Variants in STK36 observed in about 807,000 individuals in gnomAD.
The protein encoded by STK36 is serine/threonine kinase 36, also known as serine/threonine-protein kinase 36.
STK36 carries 116 observed loss-of-function variants against 142.2 expected under a neutral mutation model. The observed-to-expected ratio is 0.82, with a 90% confidence interval of 0.70 to 0.95. STK36 has a LOEUF of 0.95. STK36 is among the 40% of genes least tolerant of loss of function. STK36 has a pLI of 0.00. For missense variants in STK36, 1,422 were observed against 1,617.2 expected (o/e 0.88, Z 2.07); for synonymous variants, 619 against 641.7 (o/e 0.96, Z 0.53).
chr2:218,700,478 T>G (rs1401211180), intron 26 of STK36, among the ~76,000 whole-genome samples: 1 of 151,718 alleles, frequency 6.6e-6, no homozygotes, highest in African/African-American at 2.4e-5. Flanking sequence ...GTTGGCTCAC[T>G]GCAACCTCTG....
rs1941284576 is a variant in STK36, at chr2:218,697,589, T to A, written c.2888T>A (p.Phe963Tyr). 3.7e-6 allele frequency: 6 copies of A among 1,614,202 alleles called. No homozygotes were observed. The highest frequency in any genetic ancestry group is 5.1e-6 in the Non-Finnish European group (6 of 1,180,024). The change falls in exon 24 of 27, where the codon TTC (phenylalanine) becomes TAC (tyrosine). Residue 963 changes from phenylalanine to tyrosine, a missense_variant. Around this residue, in one of 2 missense-constraint regions of STK36, gnomAD observed 962 missense variants for 1,167.5 expected, o/e 0.82. Transcript: ENST00000295709. ...CTGAAGCATCTGCTTTGCCCCAGCT[T>A]CCTGAATCAACTGCGCCAGGCGTGA... Reference protein sequence around the residue: ...SILKHLLCPSFLNQLRQAPHG... With the variant: ...SILKHLLCPSYLNQLRQAPHG...
intron 26 of STK36, 85 bp downstream of exon 26, chr2:218,699,433 G>C: frequency 6.6e-7 from 1 of 1,525,826 alleles, no homozygotes; most frequent in South Asian, 1.3e-5. Flanking sequence ...TAAGGAATTG[G>C]AATCGGGACA....
chr2:218,697,497 C>A lies in STK36; in HGVS notation c.2796C>A (p.Thr932=). 6.2e-7 allele frequency: 1 copy of A among 1,614,194 alleles called. No individual in the cohort carries two copies. The highest frequency in any genetic ancestry group is 8.5e-7 in the Non-Finnish European group (1 of 1,180,036). Residue 932 remains threonine, a synonymous_variant, in exon 24 of 27, where the codon ACC becomes ACA. Transcript: ENST00000295709. ...MAALLSLAMA[T]FTQEPQLCLS... ...CCCTGCTGAGCCTGGCCATGGCCAC[C>A]TTTACCCAGGAGCCCCAGTTATGCC...
chr2:218,676,920 G>A (rs1430622734), intron 6 of STK36, among the ~76,000 whole-genome samples: 2 of 152,154 alleles, frequency 1.3e-5, no homozygotes. Flanking sequence ...AAAGTGCTGG[G>A]ATTACAGGCA....
rs555055188 is a variant in STK36, at chr2:218,694,469, G to C, written c.2401-56G>C. On this transcript the variant is annotated intron_variant, in intron 20 of 26. Coordinates refer to ENST00000295709, the MANE Select transcript of STK36 (RefSeq NM_015690.5). This position sits in a 1 kb window ranked among gnomAD's most constrained non-coding sequence, Gnocchi z 4.4. ...ACAGAGACATAAATCCTCTCTGCCT[G>C]TCCTGAATGCCATTTAGATTTGGAC... 76 of 1,569,298 alleles carry C rather than the reference G, an allele frequency of 4.8e-5. No homozygotes were observed. The South Asian group carries it at 8.3e-4, about 17-fold the overall frequency.
intron 10 of STK36, among the ~76,000 whole-genome samples, chr2:218,683,383 T>C (rs1940624242): frequency 6.6e-6 from 1 of 151,978 alleles, no homozygotes; most frequent in Non-Finnish European, 1.5e-5. Flanking sequence ...CAAGCGATTA[T>C]CCTGCCTCAG....
chr2:218,677,175 C>T (rs970468497), intron 6 of STK36, among the ~76,000 whole-genome samples: 2 of 152,194 alleles, frequency 1.3e-5, no homozygotes, highest in South Asian at 2.1e-4. Flanking sequence ...TCAGGTGATC[C>T]GCCTGCCTTG....
rs551049122 is a variant in STK36 at position 218,687,760 on chromosome 2, T to G, written c.1381-937T>G. Among the ~76,000 whole-genome samples, 7 of 152,370 alleles carry G rather than the reference T, an allele frequency of 4.6e-5. No individual in the cohort carries two copies. In the East Asian group the frequency reaches 1.3e-3, roughly 29 times the overall value. ...GGCTAATTCTATTTATTTCACAGGG[T>G]TATTGTAAATATTAAATGAGCAGAT... is the stretch of plus-strand genomic sequence containing the variant. On this transcript the variant is annotated intron_variant, in intron 11 of 26. Transcript: ENST00000295709.
At chr2:218,679,303 C>T in intron 7 of STK36, 42 bp downstream of exon 7, 1 of 1,573,738 alleles carries the variant, frequency 6.4e-7, no homozygotes, top group Non-Finnish European at 8.7e-7. Flanking sequence ...CTTCCCAGTA[C>T]TTCCTCTAAA....
In STK36 at chr2:218,694,717, G is replaced by C. The variant is rs1308998241; in HGVS notation, c.2511+82G>C. 1 of 1,210,980 alleles carries C rather than the reference G, an allele frequency of 8.3e-7. No individual in the cohort carries two copies. Among genetic ancestry groups the C allele is most frequent in the Non-Finnish European group, 1.2e-6 (1 of 829,058 alleles). 75.0% of individuals were successfully genotyped at this position (1,210,980 alleles called of 1,614,324 possible). On this transcript the variant is annotated intron_variant, in intron 21 of 26. Transcript: ENST00000295709. The surrounding 1 kb of genome is among the most constrained non-coding windows in gnomAD (Gnocchi z 4.4). ...GCATTCAAGGGGAAAAGACTGAAAT[G>C]CCAGCAAGCCTGGAGTAAACTGAGG...
intron 4 of STK36, among the ~76,000 whole-genome samples, chr2:218,674,338 C>T (rs919538703): frequency 1.3e-5 from 2 of 152,042 alleles, no homozygotes; most frequent in African/African-American, 4.8e-5. Context: ...TATTAGATAC[C>T]TTTAGGGAAG....
rs1940478778 is a variant in STK36 at position 218,680,704 on chromosome 2, T to C, written c.1236+2T>C. 6.2e-7 allele frequency: 1 copy of C among 1,610,190 alleles called. No homozygotes were observed. Among genetic ancestry groups the C allele is most frequent in the Non-Finnish European group, 8.5e-7 (1 of 1,178,446 alleles). ...GATGTAGTGGACCTGGAAAATGAGG[T>C]GAGCCCTAGGGTCTCTTACTGACTT... On this transcript the variant is annotated splice_donor_variant, in intron 10 of 26. Transcript: ENST00000295709. LOFTEE classifies it high-confidence loss of function.
chr2:218,686,799 G>A (rs1940798134), intron 11 of STK36, among the ~76,000 whole-genome samples: 1 of 152,148 alleles, frequency 6.6e-6, no homozygotes, highest in Non-Finnish European at 1.5e-5. Flanking sequence ...AGAATTGCTG[G>A]TCATATGGTA....
At chr2:218,689,339 A>G (rs1378321031) in intron 12 of STK36, among the ~76,000 whole-genome samples, 3 of 152,254 alleles carry the variant, frequency 2.0e-5, no homozygotes, top group South Asian at 2.1e-4. Context: ...GCAGAGTACT[A>G]AAATTCAGAG....
chr2:218,688,311 G>A, intron 11 of STK36: 1 of 460,416 alleles, frequency 2.2e-6, no homozygotes, highest in Non-Finnish European at 4.3e-6. Context: ...TTGTCTTTCT[G>A]TGGTTAAATA....
intron 6 of STK36, among the ~76,000 whole-genome samples, chr2:218,677,713 A>C (rs565974464): frequency 1.5e-3 from 221 of 152,346 alleles, no homozygotes; most frequent in African/African-American, 5.0e-3. Flanking sequence ...GGGGCAGATG[A>C]TAGAGGTGGT....
intron 24 of STK36, 112 bp downstream of exon 24, chr2:218,697,722 G>C (rs1941290727): frequency 6.3e-7 from 1 of 1,587,462 alleles, no homozygotes; most frequent in Non-Finnish European, 8.6e-7. Flanking sequence ...GATGAGATCA[G>C]GTTTAGGCTG....
At chr2:218,690,429 G>A (rs1443551862) in intron 13 of STK36, 21 bp from the exon 14 acceptor site, 4 of 1,601,566 alleles carry the variant, frequency 2.5e-6, no homozygotes, top group Non-Finnish European at 3.4e-6. Context: ...AAGAAATCAT[G>A]GGCTCATTTT....
intron 10 of STK36, 92 bp downstream of exon 10, chr2:218,680,794 T>A: frequency 1.9e-6 from 2 of 1,026,118 alleles, no homozygotes; most frequent in Non-Finnish European, 2.9e-6. Context: ...CCCAACTCCC[T>A]AAGTATGAGC....
Sources: allele counts gnomAD v4.1 joint callset (sites outside exome capture counted in the v4.1 genomes callset), GRCh38; gene constraint gnomAD v4.1.1; regional missense constraint gnomAD v4.1.1; non-coding constraint Gnocchi (gnomAD v3.1); transcripts MANE v1.5; gene names NCBI Gene and HGNC (gene_info 2026-07-23, HGNC 2026-07-21).